Variants in SLC43A3 observed in about 807,000 individuals in gnomAD.
The protein encoded by SLC43A3 is solute carrier family 43 member 3.
SLC43A3 carries 33 observed loss-of-function variants against 53.3 expected under a neutral mutation model. The observed-to-expected ratio is 0.62, with a 90% CI of 0.47 to 0.83. SLC43A3 has a LOEUF of 0.83. Among genes scored for constraint, SLC43A3 ranks in the 40% least tolerant of loss-of-function variants. The pLI is 0.00. For synonymous variants in SLC43A3, 236 were observed against 246.2 expected, an observed-to-expected ratio of 0.96 and a Z score of 0.39; for missense variants, 530 against 610.0, an observed-to-expected ratio of 0.87 and a Z score of 1.38.
In SLC43A3 at chr11:57,407,665, T is replaced by TTGTGTGTGTG. The variant is rs3832767; in HGVS notation, c.*117_*126dup. ...GCAGACGTCCTTGTGTGTCTTTATT[T>TTGTGTGTGTG]TGTGTGTGTGTGTGTGTGTGTGTGT... On this transcript the variant is annotated 3_prime_UTR_variant, in exon 14 of 14. Transcript: ENST00000395124. The TTGTGTGTGTG allele has an allele frequency of 6.5e-3, 3,656 of 566,434 alleles. 12 individuals carry two copies. Among genetic ancestry groups the TTGTGTGTGTG allele is most frequent in the Non-Finnish European group, 9.5e-3 (2,966 of 310,754 alleles). 35.1% of individuals were successfully genotyped at this position (566,434 alleles called of 1,614,324 possible).
chr11:57,417,215 A>G (rs999548393), intron 8 of SLC43A3, among the ~76,000 whole-genome samples: 1 of 152,198 alleles, frequency 6.6e-6, no homozygotes, highest in Non-Finnish European at 1.5e-5. Flanking sequence ...CTGCAGCTCT[A>G]TTTCCCCATG....
intron 13 of SLC43A3, 36 bp downstream of exon 13, chr11:57,409,139 C>T: frequency 6.2e-7 from 1 of 1,613,242 alleles, no homozygotes; most frequent in South Asian, 1.1e-5. Context: ...AAGGCCCAGG[C>T]CTCCTGCCAG....
intron 13 of SLC43A3, 88 bp downstream of exon 13, chr11:57,409,087 A>G: frequency 2.2e-6 from 3 of 1,346,520 alleles, no homozygotes; most frequent in Non-Finnish European, 2.1e-6. Flanking sequence ...ACCATGCTAC[A>G]TACCCAGGCC....
At position 57,416,667 on chromosome 11, in the gene SLC43A3, C is replaced by A; in HGVS notation, c.675G>T (p.Leu225=). Residue 225 remains leucine (L), a synonymous_variant, in exon 9 of 14, where the codon CTG becomes CTT. Transcript: ENST00000395124. ...YPLPPNYSYG[L]CPGNGTTKEE... The stretch of plus-strand genomic sequence containing the variant: ...CCTTTGTGGTGCCATTCCCAGGGCA[C>A]AGGCTATGGAAACAAAAGCCCCACC... The A allele has an allele frequency of 6.2e-7, 1 of 1,613,796 alleles. No homozygotes were observed. Among genetic ancestry groups the A allele is most frequent in the Non-Finnish European group, 8.5e-7 (1 of 1,179,768 alleles).
Position 57,423,930 on chromosome 11 carries a change from C to A in SLC43A3, c.361+52G>T, listed in dbSNP as rs1943095109. 4 of 1,565,016 alleles carry A rather than the reference C, an allele frequency of 2.6e-6. No homozygotes were observed. In the Admixed American group the frequency reaches 5.0e-5, roughly 20 times the overall value. On this transcript the variant is annotated intron_variant, in intron 5 of 13. Transcript: ENST00000395124. ...AGCCCTCTGCTCACACCTGCCCCAG[C>A]CACCAGGTGCCTCTGAGCTTGCATC...
rs753892025 is a variant in SLC43A3, at chr11:57,425,998, C to T, written c.175G>A (p.Gly59Arg). 7 of 1,614,142 alleles carry T rather than the reference C, an allele frequency of 4.3e-6. No individual in the cohort carries two copies. The highest frequency in any genetic ancestry group is 5.9e-6 in the Non-Finnish European group (7 of 1,179,948). ...TCATCCCTGCCCTTACCAGCCTGCC[C>T]TGTGGCATTGCCAATCGGCCCAGCA... is the stretch of plus-strand genomic sequence containing the variant. The part of the protein sequence containing the change: ...PDAGPIGNAT[G>R]QADCKAQDER... Residue 59 changes from glycine to arginine, a missense_variant, in exon 3 of 14, where the codon GGG (glycine) becomes AGG (arginine). By Grantham distance (125) the Gly-to-Arg change is moderately radical (BLOSUM62 -2). This residue lies in a region of SLC43A3 where 376 missense variants were observed against 386.7 expected (regional missense o/e 0.97). Coordinates refer to ENST00000395124, the MANE Select transcript of SLC43A3 (RefSeq NM_199329.3).
chr11:57,414,531 A>AAAAT, intron 11 of SLC43A3, 84 bp downstream of exon 11: 1 of 650,654 alleles, frequency 1.5e-6, no homozygotes, highest in Non-Finnish European at 2.7e-6. Flanking sequence ...AAAAAAAAAA[A>AAAAT]AGAGCGAGAG....
chr11:57,415,623 G>C (rs3851116), intron 9 of SLC43A3, among the ~76,000 whole-genome samples: 14,798 of 152,126 alleles, frequency 0.097, 1,374 homozygotes, highest in African/African-American at 0.25. Context: ...TAACCAATGA[G>C]ATGGTTCCTC....
intron 9 of SLC43A3, 123 bp downstream of exon 9, chr11:57,416,450 C>T (rs1442804932): frequency 2.9e-6 from 2 of 700,104 alleles, no homozygotes; most frequent in Non-Finnish European, 5.0e-6. Flanking sequence ...TGCCTAAGGC[C>T]CTTTTTCTGT....
chr11:57,413,015 A>G (rs1437356351), intron 11 of SLC43A3, among the ~76,000 whole-genome samples: 1 of 151,318 alleles, frequency 6.6e-6, no homozygotes, highest in African/African-American at 2.4e-5. Context: ...GGCTGCTGAC[A>G]GGAGAACAGA....
At chr11:57,408,327 A>G (rs1444960981) in intron 13 of SLC43A3, 1 of 160,288 alleles carries the variant, frequency 6.2e-6, no homozygotes, top group Non-Finnish European at 1.4e-5. Flanking sequence ...TTTGGAAGGC[A>G]GAGACGGGTG....
At chr11:57,421,131 G>T in intron 6 of SLC43A3, 67 bp from the exon 7 acceptor site, 1 of 1,324,932 alleles carries the variant, frequency 7.5e-7, no homozygotes, top group Non-Finnish European at 1.1e-6. Context: ...TGAGCACCCA[G>T]CATGTGGCAG....
chr11:57,415,131 C>A (rs754223931), intron 9 of SLC43A3, 25 bp from the exon 10 acceptor site: 9 of 1,591,434 alleles, frequency 5.7e-6, no homozygotes, highest in South Asian at 1.2e-5. Flanking sequence ...AGGATCTGGG[C>A]GTGAATTACG....
Position 57,409,168 on chromosome 11 carries a change from T to C in SLC43A3, c.1371+7A>G. 6.2e-7 allele frequency: 1 copy of C among 1,614,148 alleles called. No homozygotes were observed. Among genetic ancestry groups the C allele is most frequent in the Non-Finnish European group, 8.5e-7 (1 of 1,179,996 alleles). ...CTGCCAGGGATCCCCATCCTCCCAG[T>C]ACTCACGTAAAATGGGTCATTCTGA... On this transcript the variant is annotated splice_region_variant and intron_variant, in intron 13 of 13. Coordinates refer to ENST00000395124, the MANE Select transcript of SLC43A3 (RefSeq NM_199329.3).
chr11:57,413,958 C>T (rs1942596833), intron 11 of SLC43A3, among the ~76,000 whole-genome samples: 1 of 152,210 alleles, frequency 6.6e-6, no homozygotes, highest in Non-Finnish European at 1.5e-5. Flanking sequence ...TTCCCTGACA[C>T]CAATCCCATC....
rs147304836 is a variant in SLC43A3 at position 57,424,016 on chromosome 11, G to A, written c.327C>T (p.Thr109=). 6.3e-5 allele frequency: 101 copies of A among 1,614,018 alleles called. No homozygotes were observed. Among genetic ancestry groups the A allele is most frequent in the Non-Finnish European group, 8.6e-5 (101 of 1,179,994 alleles). Residue 109 remains threonine (T), a synonymous_variant, in exon 5 of 14, where the codon ACC becomes ACT. Coordinates refer to ENST00000395124, the MANE Select transcript of SLC43A3 (RefSeq NM_199329.3). ...VARLIAIFFY[T]TATLIIAFTS... is the part of the protein sequence containing the mutation. ...TGAAGGCTATGATGAGTGTGGCGGT[G>A]GTGTAGAAAAATCTGAAACACATAA...
At position 57,415,046 on chromosome 11, in the gene SLC43A3, C is replaced by A. The variant is rs139270446; in HGVS notation, c.830G>T (p.Arg277Leu). Residue 277 changes from arginine to leucine, a missense_variant, in exon 10 of 14, where the codon CGG becomes CTG. Transcript: ENST00000395124. ...CCACACCAGGTGCCAGGCAAAGCGC[C>A]GAGAGAAAGCGTAGCTCCAGAAGGA... ...LRSFWSYAFS[R>L]RFAWHLVWLS... is the part of the protein sequence containing the mutation. 6.2e-7 allele frequency: 1 copy of A among 1,614,136 alleles called. No homozygotes were observed. The highest frequency in any genetic ancestry group is 1.7e-5 in the Admixed American group (1 of 60,022).
At position 57,417,769 on chromosome 11, in the gene SLC43A3, A is replaced by G. The variant is rs750283837; in HGVS notation, c.650T>C (p.Leu217Pro). 1.6e-5 allele frequency: 26 copies of G among 1,614,028 alleles called. No individual in the cohort carries two copies. The highest frequency in any genetic ancestry group is 2.1e-5 in the Non-Finnish European group (25 of 1,180,014). The change falls in exon 8 of 14, where the codon CTG becomes CCG. Residue 217 changes from leucine (L) to proline (P), a missense_variant. Coordinates refer to ENST00000395124, the MANE Select transcript of SLC43A3 (RefSeq NM_199329.3). ...LMPRGHIPYPLPPNYSYGLCP... is the reference protein window; with the variant it reads ...LMPRGHIPYPPPPNYSYGLCP... ...TTACCCATAGCTGTAGTTGGGGGGC[A>G]GTGGGTATGGGATGTGCCCCCGGGG...
rs1157572061 is a variant in SLC43A3 at position 57,409,181 on chromosome 11, T to C, written c.1365A>G (p.Pro455=). Residue 455 remains proline (P), a synonymous_variant, in exon 13 of 14, where the codon CCA becomes CCG. Coordinates refer to ENST00000395124, the MANE Select transcript of SLC43A3 (RefSeq NM_199329.3). ...TLIKGSLQND[P]FYVNVMFMLA... Reference sequence around the variant, plus strand: ...CCATCCTCCCAGTACTCACGTAAAATGGGTCATTCTGAAGGGAGCCTTTGA... The same window carrying C: ...CCATCCTCCCAGTACTCACGTAAAACGGGTCATTCTGAAGGGAGCCTTTGA... 1.2e-6 allele frequency: 2 copies of C among 1,614,076 alleles called. No individual in the cohort carries two copies. Among genetic ancestry groups the C allele is most frequent in the South Asian group, 1.1e-5 (1 of 91,078 alleles).
Sources: allele counts gnomAD v4.1 joint callset (sites outside exome capture counted in the v4.1 genomes callset), GRCh38; gene constraint gnomAD v4.1.1; regional missense constraint gnomAD v4.1.1; transcripts MANE v1.5; gene names NCBI Gene and HGNC (gene_info 2026-07-23, HGNC 2026-07-21).